SGCG: variants seen among roughly 807,000 people sequenced by gnomAD.
The protein encoded by SGCG is sarcoglycan gamma, also known as gamma-sarcoglycan.
SGCG carries 26 observed loss-of-function variants against 29.3 expected under a neutral mutation model. That is an observed-to-expected ratio of 0.89 (90% CI 0.65 to 1.23). SGCG has a LOEUF of 1.23. SGCG is among the 50% of genes most tolerant of loss of function. SGCG has a pLI of 0.00. For missense variants in SGCG, 353 were observed against 356.0 expected (o/e 0.99, Z 0.07); for synonymous variants, 145 against 129.7 (o/e 1.12, Z -0.80).
intron 6 of SGCG, among the ~76,000 whole-genome samples, chr13:23,296,625 C>T (rs942042189): frequency 6.6e-6 from 1 of 152,176 alleles, no homozygotes; most frequent in Non-Finnish European, 1.5e-5. Context: ...ATTCTACTTT[C>T]TGTCTCTGTG....
intron 6 of SGCG, among the ~76,000 whole-genome samples, chr13:23,309,844 C>A (rs1020465401): frequency 3.3e-5 from 5 of 152,090 alleles, no homozygotes; most frequent in Non-Finnish European, 7.4e-5. Flanking sequence ...TGAAGTTTCT[C>A]TTTTCAAGTT....
the SGCG span, among the ~76,000 whole-genome samples, chr13:23,165,949 G>T: frequency 6.6e-6 from 1 of 152,064 alleles, no homozygotes; most frequent in African/African-American, 2.4e-5. Context: ...GTTTTCTGTT[G>T]TTTCTGATTT....
chr13:23,220,815 T>G (rs1878629395), intron 2 of SGCG, among the ~76,000 whole-genome samples: 1 of 152,166 alleles, frequency 6.6e-6, no homozygotes, highest in African/African-American at 2.4e-5. Context: ...GGGAGTGAGT[T>G]AGTCTCTTTG....
chr13:23,189,732 A>G (rs1877163867), intron 1 of SGCG, among the ~76,000 whole-genome samples: 1 of 152,216 alleles, frequency 6.6e-6, no homozygotes, highest in Non-Finnish European at 1.5e-5. Flanking sequence ...ATGAGAAGAT[A>G]GATGCAATTT....
At chr13:23,211,049 T>C (rs1878182956) in intron 2 of SGCG, among the ~76,000 whole-genome samples, 1 of 152,206 alleles carries the variant, frequency 6.6e-6, no homozygotes, top group Non-Finnish European at 1.5e-5. Context: ...ATACCATCTG[T>C]ATTACTGATA....
chr13:23,203,948 CTGTAT>C lies in SGCG; in HGVS notation c.195+67_195+71del, dbSNP rs1444163791. On this transcript the variant is annotated intron_variant, in intron 2 of 7. Transcript: ENST00000218867. ...TGTTTTGTTCACTGTATCACTTAGT[CTGTAT>C]TGTATTGATAGGAGTTTCCTTTTGT... 3.3e-6 allele frequency: 4 copies of C among 1,227,186 alleles called. No individual in the cohort carries two copies. The East Asian group carries it at 9.3e-5, about 29-fold the overall frequency. The allele number at this position is 1,227,186 out of a possible 1,614,324, so 76.0% of individuals were successfully genotyped here. A position where few individuals can be genotyped will look rare whatever the true frequency, so the allele number is the denominator to read the frequency against.
intron 2 of SGCG, among the ~76,000 whole-genome samples, chr13:23,231,993 C>A (rs1879131453): frequency 6.6e-6 from 1 of 152,082 alleles, no homozygotes; most frequent in African/African-American, 2.4e-5. Flanking sequence ...GTGGCACACT[C>A]CTGTAATCCC....
At chr13:23,240,006 C>T (rs570696248) in intron 3 of SGCG, among the ~76,000 whole-genome samples, 2 of 152,238 alleles carry the variant, frequency 1.3e-5, no homozygotes, top group Admixed American at 6.5e-5. Context: ...AACACCCCAA[C>T]TGAAAGACAG....
Position 23,320,692 on chromosome 13 carries a change from C to G in SGCG, c.634C>G (p.Gln212Glu), listed in dbSNP as rs1883004226. ...GGATGCCCCAAGGGGTGTGCATATT[C>G]AAGCTCACGCTGGGAAAATTGAGGC... is the stretch of plus-strand genomic sequence containing the variant. ...SMDAPRGVHIQAHAGKIEALS... is the reference protein window; with the variant it reads ...SMDAPRGVHIEAHAGKIEALS... The change falls in exon 7 of 8, where the codon CAA becomes GAA. Residue 212 changes from glutamine (Q) to glutamate (E), a missense_variant. Gln to Glu is a conservative substitution (Grantham distance 29, BLOSUM62 2). Transcript: ENST00000218867. The G allele has an allele frequency of 6.3e-7, 1 of 1,591,272 alleles. No individual in the cohort carries two copies. Among genetic ancestry groups the G allele is most frequent in the Admixed American group, 1.7e-5 (1 of 58,918 alleles).
intron 4 of SGCG, among the ~76,000 whole-genome samples, chr13:23,253,748 A>G (rs1282945724): frequency 6.6e-6 from 1 of 152,240 alleles, no homozygotes; most frequent in African/African-American, 2.4e-5. Flanking sequence ...GTATTGTATC[A>G]TGAGGGTGGA....
chr13:23,245,641 G>C (rs964722037), intron 3 of SGCG: 1 of 152,174 alleles, frequency 6.6e-6, no homozygotes, highest in Non-Finnish European at 1.5e-5. Context: ...AACCAAAGTA[G>C]AGTCATTTAT....
chr13:23,234,481 A>G, intron 2 of SGCG, 130 bp from the exon 3 acceptor site: 1 of 390,922 alleles, frequency 2.6e-6, no homozygotes, highest in Admixed American at 5.1e-5. Flanking sequence ...AGTTTTAAAT[A>G]CACTAGGAGA....
chr13:23,176,743 T>C (rs147235489), upstream of SGCG, among the ~76,000 whole-genome samples: 25 of 152,276 alleles, frequency 1.6e-4, no homozygotes, highest in East Asian at 4.8e-3. Context: ...TTATTGTCGA[T>C]AGGTAAGGAC....
intron 6 of SGCG, among the ~76,000 whole-genome samples, chr13:23,312,833 G>C (rs1882655303): frequency 6.6e-6 from 1 of 151,824 alleles, no homozygotes; most frequent in African/African-American, 2.4e-5. Context: ...AAAAAAAATG[G>C]TGTCTCCAAA....
At chr13:23,193,587 T>A (rs1206144501) in intron 1 of SGCG, among the ~76,000 whole-genome samples, 2 of 152,078 alleles carry the variant, frequency 1.3e-5, no homozygotes, top group Non-Finnish European at 2.9e-5. Context: ...GCCGATGCCA[T>A]GGACTGAGAT....
At chr13:23,287,004 G>T (rs1285290590) in intron 5 of SGCG, among the ~76,000 whole-genome samples, 1 of 152,190 alleles carries the variant, frequency 6.6e-6, no homozygotes, top group Non-Finnish European at 1.5e-5. Flanking sequence ...ATCGCCAATG[G>T]TAAACATTTA....
intron 2 of SGCG, among the ~76,000 whole-genome samples, chr13:23,213,810 G>A (rs1158495689): frequency 6.6e-6 from 1 of 152,084 alleles, no homozygotes; most frequent in African/African-American, 2.4e-5. Flanking sequence ...CGAGAGGCTG[G>A]CAGGTGCCCC....
At chr13:23,324,309 T>G (rs1258909495) in intron 7 of SGCG, 59 bp from the exon 8 acceptor site, 2 of 1,503,820 alleles carry the variant, frequency 1.3e-6, no homozygotes, top group African/African-American at 2.7e-5. Context: ...GAATGGGGAT[T>G]TGCTGCTGAC....
intron 5 of SGCG, among the ~76,000 whole-genome samples, chr13:23,282,147 A>C (rs1361581697): frequency 6.6e-6 from 1 of 152,168 alleles, no homozygotes; most frequent in African/African-American, 2.4e-5. Context: ...CAGACAGTAC[A>C]ATTTTGAGCA....
Sources: gnomAD v4.1 joint callset for allele counts (sites outside exome capture counted in the v4.1 genomes callset) on GRCh38, gnomAD v4.1.1 for gene constraint, MANE v1.5 for transcripts, NCBI Gene and HGNC (gene_info 2026-07-23, HGNC 2026-07-21) for gene names.